Variants in AFF3 observed in about 807,000 individuals in gnomAD.
AFF3 encodes AF4/FMR2 family member 3.
Under a neutral mutation model 129.7 loss-of-function variants are expected in AFF3, and 32 were observed. The ratio of observed to expected loss-of-function variants is 0.25; its 90% CI spans 0.19 to 0.33. The LOEUF is 0.33. Ranked by LOEUF, AFF3 falls within the 10% of genes least tolerant of loss-of-function variation. The probability of loss-of-function intolerance (pLI) is 1.00; values close to 1 mark genes in which losing one functional copy is unlikely to be tolerated. For missense variants in AFF3, 1,373 were observed against 1,592.0 expected (o/e 0.86, Z 2.34); for synonymous variants, 644 against 635.4 (o/e 1.01, Z -0.20).
chr2:99,680,230 CA>C (rs1674398238), intron 11 of AFF3, among the ~76,000 whole-genome samples: 1 of 152,080 alleles, frequency 6.6e-6, no homozygotes, highest in Admixed American at 6.5e-5. Flanking sequence ...TCATTTCTAT[CA>C]AAAAACTGAG....
rs566860000 is a variant in AFF3 at position 99,551,627 on chromosome 2, C to T, written c.3560-32G>A. On this transcript the variant is annotated intron_variant, in intron 24 of 24. Transcript: ENST00000672756. ...GGACAGAAAGAGTTGTTAAGAATGC[C>T]ACACATGCTAGGTGTGCTATCCTGA... is the stretch of plus-strand genomic sequence containing the variant. 6.3e-5 allele frequency: 102 copies of T among 1,613,428 alleles called. 1 individual carries two copies. In the South Asian group the frequency reaches 1.1e-3, roughly 17 times the overall value.
At chr2:99,640,476 A>G (rs1454653032) in intron 13 of AFF3, among the ~76,000 whole-genome samples, 1 of 152,190 alleles carries the variant, frequency 6.6e-6, no homozygotes, top group Non-Finnish European at 1.5e-5. Flanking sequence ...TGCTTCTGCA[A>G]CTGGGAAAGC....
intron 8 of AFF3, among the ~76,000 whole-genome samples, chr2:99,829,903 G>A (rs946454540): frequency 1.3e-5 from 2 of 152,126 alleles, no homozygotes; most frequent in African/African-American, 4.8e-5. Flanking sequence ...ATGATAGACT[G>A]GATAAAGAAA....
chr2:99,703,187 C>A (rs888130268), intron 11 of AFF3, among the ~76,000 whole-genome samples: 4 of 152,230 alleles, frequency 2.6e-5, no homozygotes, highest in African/African-American at 9.6e-5. Context: ...GGAGAGAATC[C>A]ATTTCCCTGT....
intron 8 of AFF3, among the ~76,000 whole-genome samples, chr2:99,781,836 T>A (rs1017193084): frequency 3.3e-5 from 5 of 152,098 alleles, no homozygotes; most frequent in Non-Finnish European, 4.4e-5. Flanking sequence ...GTTACCAGAT[T>A]AACCAAGTAT....
At chr2:99,566,120 T>C (rs1353278153) in intron 19 of AFF3, among the ~76,000 whole-genome samples, 1 of 151,990 alleles carries the variant, frequency 6.6e-6, no homozygotes, top group Non-Finnish European at 1.5e-5. Context: ...CTCAATTTTT[T>C]TTAATTTTTT....
intron 2 of AFF3, among the ~76,000 whole-genome samples, chr2:100,123,907 CT>C (rs1692082032): frequency 6.6e-6 from 1 of 151,970 alleles, no homozygotes; most frequent in African/African-American, 2.4e-5. Flanking sequence ...GCCTTCCCCC[CT>C]GAAAAAAATG....
In AFF3 at chr2:99,560,452, G is replaced by C; in HGVS notation, c.3120-16C>G. ...CATAGCATACCTTAGAAAAAGCGGG[G>C]AGGAGGAATAGAATAAAAAACATAA... On this transcript the variant is annotated splice_polypyrimidine_tract_variant and intron_variant, in intron 20 of 24. Coordinates refer to ENST00000672756, the MANE Select transcript of AFF3 (RefSeq NM_001386135.1). The C allele has an allele frequency of 6.2e-7, 1 of 1,609,380 alleles. No homozygotes were observed. Among genetic ancestry groups the C allele is most frequent in the South Asian group, 1.1e-5 (1 of 90,162 alleles).
At chr2:99,829,487 CT>C (rs1688354876) in intron 8 of AFF3, among the ~76,000 whole-genome samples, 1 of 152,166 alleles carries the variant, frequency 6.6e-6, no homozygotes, top group Admixed American at 6.5e-5. Context: ...TGAACAGACA[CT>C]TCTCAAAAGA....
intron 24 of AFF3, among the ~76,000 whole-genome samples, chr2:99,554,093 T>C (rs1474583390): frequency 3.9e-5 from 6 of 152,148 alleles, no homozygotes; most frequent in Non-Finnish European, 7.4e-5. Context: ...CAGGATACTT[T>C]GTGACTGTAT....
intron 7 of AFF3, among the ~76,000 whole-genome samples, chr2:99,925,417 G>A (rs1001989260): frequency 2.6e-5 from 4 of 152,114 alleles, no homozygotes; most frequent in Admixed American, 6.6e-5. Flanking sequence ...CATCATCACA[G>A]ATCATGATCT....
At chr2:99,947,061 T>C (rs1488538342) in intron 7 of AFF3, among the ~76,000 whole-genome samples, 1 of 152,186 alleles carries the variant, frequency 6.6e-6, no homozygotes, top group Non-Finnish European at 1.5e-5. Flanking sequence ...CAATATTTAT[T>C]ATGTCCAAAG....
At chr2:99,964,797 G>A (rs1677582918) in intron 7 of AFF3, among the ~76,000 whole-genome samples, 1 of 152,142 alleles carries the variant, frequency 6.6e-6, no homozygotes, top group East Asian at 1.9e-4. Context: ...GGATCTTTGT[G>A]GTCATGAAAC....
intron 11 of AFF3, among the ~76,000 whole-genome samples, chr2:99,696,655 C>T (rs1354521887): frequency 6.8e-6 from 1 of 146,624 alleles, no homozygotes; most frequent in Non-Finnish European, 1.5e-5. Flanking sequence ...TAATGAAATT[C>T]TTTTTTTTTT....
intron 2 of AFF3, among the ~76,000 whole-genome samples, chr2:100,120,613 G>A (rs1377019487): frequency 2.0e-5 from 3 of 152,056 alleles, no homozygotes; most frequent in African/African-American, 7.3e-5. Context: ...CAATTAAAAT[G>A]TAGCTTCAGA....
chr2:99,588,992 G>C (rs1164564983), intron 15 of AFF3, among the ~76,000 whole-genome samples: 2 of 152,196 alleles, frequency 1.3e-5, no homozygotes, highest in African/African-American at 2.4e-5. Context: ...ATGGCCATAA[G>C]TAATACAACT....
chr2:100,009,923 G>A (rs1682358712), intron 4 of AFF3, among the ~76,000 whole-genome samples: 1 of 152,144 alleles, frequency 6.6e-6, no homozygotes, highest in African/African-American at 2.4e-5. Context: ...TTTCCCAGCA[G>A]AAGCAGGTGG....
At chr2:100,041,905 T>C (rs1685463603) in intron 4 of AFF3, among the ~76,000 whole-genome samples, 1 of 152,178 alleles carries the variant, frequency 6.6e-6, no homozygotes, top group Non-Finnish European at 1.5e-5. Context: ...CACAATGGTA[T>C]TTATTGAATA....
At chr2:99,743,731 G>T (rs1030470088) in intron 10 of AFF3, among the ~76,000 whole-genome samples, 2 of 152,068 alleles carry the variant, frequency 1.3e-5, no homozygotes, top group Non-Finnish European at 2.9e-5. Flanking sequence ...TTATCTTAAG[G>T]TCTACTGATT....
Sources: gnomAD v4.1 joint callset for allele counts (sites outside exome capture counted in the v4.1 genomes callset) on GRCh38, gnomAD v4.1.1 for gene constraint, MANE v1.5 for transcripts, NCBI Gene and HGNC (gene_info 2026-07-23, HGNC 2026-07-21) for gene names.